PTPRD: variants seen among roughly 807,000 people sequenced by gnomAD.
The protein encoded by PTPRD is receptor-type tyrosine-protein phosphatase delta.
Under a neutral mutation model 214.5 loss-of-function variants are expected in PTPRD, and 34 were observed. The ratio of observed to expected loss-of-function variants is 0.16; its 90% CI spans 0.12 to 0.21. PTPRD has a LOEUF of 0.21. Ranked by LOEUF, PTPRD falls within the 10% of genes least tolerant of loss-of-function variation. The pLI, the probability that PTPRD is intolerant of heterozygous loss-of-function variation, is 1.00. For synonymous variants in PTPRD, 1,128 were observed against 845.7 expected (o/e 1.33, Z -5.79); for missense variants, 2,545 against 2,398.7 (o/e 1.06, Z -1.27).
rs192123931 is a variant in PTPRD at position 8,967,530 on chromosome 9, T to C, written c.-104+51167A>G. ...ACCATGTCCTTTGCAACAACATAGA[T>C]GAAGCTGGAGGCCATTATCCTAAGC... On this transcript the variant is annotated intron_variant, in intron 11 of 45. Coordinates refer to ENST00000381196, the MANE Select transcript of PTPRD (RefSeq NM_002839.4). Among the ~76,000 whole-genome samples, 1,412 of 152,166 alleles carry C rather than the reference T, an allele frequency of 9.3e-3. 20 individuals are homozygous for C. Among genetic ancestry groups the C allele is most frequent in the African/African-American group, 0.033 (1,352 of 41,534 alleles).
intron 5 of PTPRD, among the ~76,000 whole-genome samples, chr9:9,790,234 G>C (rs1368194742): frequency 1.3e-5 from 2 of 151,950 alleles, no homozygotes; most frequent in Non-Finnish European, 1.5e-5. Flanking sequence ...GTATTGTCTT[G>C]GACATTGGAC....
chr9:9,468,982 C>G (rs1035432514), intron 8 of PTPRD, among the ~76,000 whole-genome samples: 1 of 152,020 alleles, frequency 6.6e-6, no homozygotes, highest in African/African-American at 2.4e-5. Flanking sequence ...CCATTCAATC[C>G]TTCATCAAAT....
chr9:9,224,143 T>TGA (rs1198408086), intron 9 of PTPRD, among the ~76,000 whole-genome samples: 1 of 151,914 alleles, frequency 6.6e-6, no homozygotes, highest in Non-Finnish European at 1.5e-5. Context: ...ATGAGGAAGT[T>TGA]GAGAGAGAGA....
intron 10 of PTPRD, among the ~76,000 whole-genome samples, chr9:9,167,626 G>A (rs946430091): frequency 3.3e-5 from 5 of 151,738 alleles, no homozygotes; most frequent in Non-Finnish European, 5.9e-5. Flanking sequence ...ATGGTGGTGC[G>A]TGCCTGTAAT....
chr9:9,300,346 C>T (rs914721915), intron 9 of PTPRD, among the ~76,000 whole-genome samples: 14 of 151,638 alleles, frequency 9.2e-5, no homozygotes, highest in African/African-American at 3.4e-4. Flanking sequence ...CAATGTATTC[C>T]AGTGACACAA....
chr9:9,701,268 G>C (rs1033167990), intron 7 of PTPRD, among the ~76,000 whole-genome samples: 5 of 152,110 alleles, frequency 3.3e-5, no homozygotes, highest in African/African-American at 1.2e-4. Context: ...CATGATGGTA[G>C]TTATATCTCA....
chr9:8,656,214 G>C (rs557247447), intron 12 of PTPRD, among the ~76,000 whole-genome samples: 1 of 152,244 alleles, frequency 6.6e-6, no homozygotes, highest in Admixed American at 6.5e-5. Context: ...TAAGGCCTGG[G>C]AATTTGTGTC....
At chr9:8,610,699 T>A (rs1015703596) in intron 14 of PTPRD, among the ~76,000 whole-genome samples, 1 of 152,222 alleles carries the variant, frequency 6.6e-6, no homozygotes, top group Non-Finnish European at 1.5e-5. Context: ...CCACTGTGGT[T>A]TCATTCACTG....
At chr9:8,735,060 G>T (rs990863930) in intron 11 of PTPRD, among the ~76,000 whole-genome samples, 1 of 151,944 alleles carries the variant, frequency 6.6e-6, no homozygotes, top group Admixed American at 6.6e-5. Flanking sequence ...GAACAGATGC[G>T]TGAGTACTAC....
At chr9:8,345,811 G>A (rs1588232979) in intron 39 of PTPRD, among the ~76,000 whole-genome samples, 1 of 151,878 alleles carries the variant, frequency 6.6e-6, no homozygotes, top group Non-Finnish European at 1.5e-5. Context: ...AGTATGTTTC[G>A]TTTTGTTTTT....
At chr9:8,371,267 A>G (rs1378947661) in intron 39 of PTPRD, among the ~76,000 whole-genome samples, 1 of 152,072 alleles carries the variant, frequency 6.6e-6, no homozygotes, top group African/African-American at 2.4e-5. Context: ...AAACCAAAAA[A>G]ATCAGTCCAG....
At chr9:9,314,617 T>C (rs970976608) in intron 9 of PTPRD, among the ~76,000 whole-genome samples, 1 of 152,012 alleles carries the variant, frequency 6.6e-6, no homozygotes, top group Non-Finnish European at 1.5e-5. Context: ...CCTAGTATAG[T>C]GTTTTGCTTA....
At chr9:8,538,594 A>C (rs2077530403) in intron 14 of PTPRD, among the ~76,000 whole-genome samples, 1 of 151,508 alleles carries the variant, frequency 6.6e-6, no homozygotes, top group African/African-American at 2.4e-5. Flanking sequence ...TGTTGGTGTG[A>C]ACACCTAGTT....
At chr9:10,255,459 G>A (rs1412064237) in intron 3 of PTPRD, among the ~76,000 whole-genome samples, 1 of 152,230 alleles carries the variant, frequency 6.6e-6, no homozygotes, top group South Asian at 2.1e-4. Context: ...CAGTATAAAA[G>A]ATAAAAGTGA....
At chr9:10,212,288 T>C (rs976752414) in intron 3 of PTPRD, among the ~76,000 whole-genome samples, 3 of 152,092 alleles carry the variant, frequency 2.0e-5, no homozygotes, top group African/African-American at 7.2e-5. Flanking sequence ...ATGGAACTCA[T>C]AGAAATTGAT....
chr9:9,787,273 T>C lies in PTPRD; in HGVS notation c.-367-20422A>G, dbSNP rs115164476. Among the ~76,000 whole-genome samples the C allele has an allele frequency of 4.5e-3, 680 of 151,796 alleles. 3 individuals are homozygous for C. Among genetic ancestry groups the C allele is most frequent in the African/African-American group, 0.016 (642 of 41,362 alleles). On this transcript the variant is annotated intron_variant, in intron 5 of 45. Coordinates refer to ENST00000381196, the MANE Select transcript of PTPRD (RefSeq NM_002839.4). Reference sequence around the variant, plus strand: ...AACAGTGACACTCTCAGTAGTAAAATAGTTGGGTGGTAGAGAGTGCTACCT... The same window carrying C: ...AACAGTGACACTCTCAGTAGTAAAACAGTTGGGTGGTAGAGAGTGCTACCT...
chr9:9,605,127 A>G (rs781470539), intron 7 of PTPRD, among the ~76,000 whole-genome samples: 84 of 152,246 alleles, frequency 5.5e-4, no homozygotes, highest in Middle Eastern at 3.4e-3. Context: ...GTAGATTCAC[A>G]TAACGTATAC....
intron 2 of PTPRD, among the ~76,000 whole-genome samples, chr9:10,347,875 T>C (rs2097114538): frequency 1.3e-5 from 2 of 151,880 alleles, no homozygotes; most frequent in African/African-American, 4.8e-5. Flanking sequence ...CTGGCCAACA[T>C]AGGGAAAACC....
At chr9:10,401,584 C>T (rs2098270321) in intron 2 of PTPRD, among the ~76,000 whole-genome samples, 1 of 147,766 alleles carries the variant, frequency 6.8e-6, no homozygotes, top group Non-Finnish European at 1.5e-5. Flanking sequence ...TATATATAAA[C>T]AGGTACATAC....
Sources: gnomAD v4.1 joint callset for allele counts (sites outside exome capture counted in the v4.1 genomes callset) on GRCh38, gnomAD v4.1.1 for gene constraint, MANE v1.5 for transcripts, NCBI Gene and HGNC (gene_info 2026-07-23, HGNC 2026-07-21) for gene names.